PLCB4: variants seen among roughly 807,000 people sequenced by gnomAD.
PLCB4 encodes 1-phosphatidylinositol 4,5-bisphosphate phosphodiesterase beta-4.
In PLCB4, 77 loss-of-function variants were observed where a neutral mutation model predicts 178.8. The observed-to-expected ratio is 0.43, with a 90% CI of 0.36 to 0.52. The LOEUF is 0.52. Among genes scored for constraint, PLCB4 ranks in the 20% least tolerant of loss-of-function variants. The pLI, the probability that PLCB4 is intolerant of heterozygous loss-of-function variation, is 0.00. For synonymous variants in PLCB4, 496 were observed against 490.8 expected, an observed-to-expected ratio of 1.01 and a Z score of -0.14; for missense variants, 1,024 against 1,453.4, an observed-to-expected ratio of 0.70 and a Z score of 4.80.
At chr20:9,375,385 A>G (rs1299400024) in intron 12 of PLCB4, among the ~76,000 whole-genome samples, 2 of 152,176 alleles carry the variant, frequency 1.3e-5, no homozygotes, top group African/African-American at 4.8e-5. Flanking sequence ...AAACCTAAAC[A>G]TTTTCAAAAT....
rs1379458530 is a variant in PLCB4, at chr20:9,310,912, G to T, written c.84+3014G>T. ...CAGATTTTTACAAATGACCTAAGTG[G>T]TAGGCTGTGATTGTATTGCCATGAC... On this transcript the variant is annotated intron_variant, in intron 4 of 39. Coordinates refer to ENST00000378473, the MANE Select transcript of PLCB4 (RefSeq NM_001377142.1). Among the ~76,000 whole-genome samples, 4 of 152,136 alleles carry T rather than the reference G, an allele frequency of 2.6e-5. No homozygotes were observed. The East Asian group carries it at 7.7e-4, about 29-fold the overall frequency.
chr20:9,399,302 A>G (rs6133707), intron 19 of PLCB4, among the ~76,000 whole-genome samples: 42,553 of 152,126 alleles, frequency 0.28, 6,197 homozygotes, highest in East Asian at 0.4. Context: ...AGATGGCACA[A>G]GGCTCCTGTT....
At chr20:9,301,052 T>G (rs538000574) in intron 3 of PLCB4, among the ~76,000 whole-genome samples, 2 of 151,696 alleles carry the variant, frequency 1.3e-5, no homozygotes, top group African/African-American at 4.8e-5. Flanking sequence ...GCTACATCAC[T>G]CTAATCTCTG....
At chr20:9,357,714 A>G (rs753226628) in intron 7 of PLCB4, among the ~76,000 whole-genome samples, 4 of 152,156 alleles carry the variant, frequency 2.6e-5, no homozygotes, top group African/African-American at 4.8e-5. Context: ...AGAAGGCACT[A>G]CCTATGAACT....
intron 4 of PLCB4, among the ~76,000 whole-genome samples, chr20:9,334,401 T>C (rs1378727188): frequency 2.6e-5 from 4 of 152,144 alleles, no homozygotes; most frequent in Non-Finnish European, 2.9e-5. Flanking sequence ...AGATATTATG[T>C]CCTGAAGAGG....
chr20:9,085,559 C>A (rs1454252468), intron 1 of PLCB4, among the ~76,000 whole-genome samples: 4 of 152,086 alleles, frequency 2.6e-5, no homozygotes, highest in African/African-American at 9.7e-5. Context: ...AAATTAGTAT[C>A]TAAGCAATGC....
At chr20:9,393,188 G>T (rs1423495156) in intron 17 of PLCB4, among the ~76,000 whole-genome samples, 47 of 152,222 alleles carry the variant, frequency 3.1e-4, no homozygotes, top group Non-Finnish European at 4.4e-5. Flanking sequence ...CACTTGGGGG[G>T]ATCTGGGGGG....
chr20:9,176,808 T>C (rs2093162722), intron 2 of PLCB4, among the ~76,000 whole-genome samples: 1 of 152,186 alleles, frequency 6.6e-6, no homozygotes, highest in Non-Finnish European at 1.5e-5. Flanking sequence ...AGCAAACTTT[T>C]AAGAAAAATA....
Position 9,365,517 on chromosome 20 carries a change from A to G in PLCB4, c.503+3A>G, listed in dbSNP as rs1490893079. The G allele has an allele frequency of 6.3e-7, 1 of 1,586,742 alleles. No individual in the cohort carries two copies. Reference sequence around the variant, plus strand: ...AATGGTAAAATTCCAGTTAGGAGGTAAGTAATCATTCCTATCTGCTGTCCG... The same window carrying G: ...AATGGTAAAATTCCAGTTAGGAGGTGAGTAATCATTCCTATCTGCTGTCCG... On this transcript the variant is annotated splice_donor_region_variant and intron_variant, in intron 9 of 39. Coordinates refer to ENST00000378473, the MANE Select transcript of PLCB4 (RefSeq NM_001377142.1).
At chr20:9,182,281 GT>G (rs1448457060) in intron 2 of PLCB4, among the ~76,000 whole-genome samples, 5 of 152,236 alleles carry the variant, frequency 3.3e-5, no homozygotes, top group East Asian at 1.9e-4. Flanking sequence ...AGGGTTGAGG[GT>G]TTTTTCTTAT....
chr20:9,243,303 A>G (rs1229411423), intron 3 of PLCB4, among the ~76,000 whole-genome samples: 2 of 152,222 alleles, frequency 1.3e-5, no homozygotes, highest in Non-Finnish European at 2.9e-5. Flanking sequence ...GGAGGATTTT[A>G]TTTAAAGGGA....
chr20:9,098,739 A>ATGTGTG lies in PLCB4; in HGVS notation c.-79+2398_-79+2399insGTGTGT, dbSNP rs764119420. ...TACGTGTGTGTGTATATATATACAT[A>ATGTGTG]TATGTGTGTGTGTGTGTGTGTGTGT... On this transcript the variant is annotated intron_variant, in intron 2 of 39. Coordinates refer to ENST00000378473, the MANE Select transcript of PLCB4 (RefSeq NM_001377142.1). 2.9e-3 allele frequency among the ~76,000 whole-genome samples: 145 copies of ATGTGTG among 49,246 alleles called. 2 individuals carry two copies. The highest frequency in any genetic ancestry group is 0.01 in the South Asian group (7 of 674). 32.3% of individuals were successfully genotyped at this position (49,246 alleles called of 152,430 possible).
intron 3 of PLCB4, among the ~76,000 whole-genome samples, chr20:9,224,940 T>C (rs927436093): frequency 1.3e-5 from 2 of 152,230 alleles, no homozygotes; most frequent in African/African-American, 4.8e-5. Context: ...GAGCATTGAC[T>C]TGCTTTCTTT....
intron 2 of PLCB4, among the ~76,000 whole-genome samples, chr20:9,168,776 C>T (rs1012206796): frequency 6.6e-6 from 1 of 152,182 alleles, no homozygotes; most frequent in African/African-American, 2.4e-5. Flanking sequence ...GCTGGTGACA[C>T]TGGCCGCTTT....
intron 2 of PLCB4, among the ~76,000 whole-genome samples, chr20:9,177,299 G>A (rs1346894840): frequency 6.6e-6 from 1 of 152,092 alleles, no homozygotes; most frequent in Non-Finnish European, 1.5e-5. Context: ...CTGGAGTGTG[G>A]GAATAAACGA....
chr20:9,119,526 A>C (rs1445950785), intron 2 of PLCB4, among the ~76,000 whole-genome samples: 1 of 151,850 alleles, frequency 6.6e-6, no homozygotes, highest in Non-Finnish European at 1.5e-5. Flanking sequence ...GAGAAAAAAA[A>C]AAAAAACAAA....
intron 24 of PLCB4, 33 bp downstream of exon 24, chr20:9,409,214 A>C (rs2039680989): frequency 1.3e-6 from 2 of 1,556,652 alleles, no homozygotes; most frequent in Admixed American, 2.3e-5. Flanking sequence ...CCCAAATTCC[A>C]TGAGAACACT....
intron 3 of PLCB4, among the ~76,000 whole-genome samples, chr20:9,255,384 T>C (rs1000658835): frequency 1.3e-5 from 2 of 152,200 alleles, no homozygotes; most frequent in African/African-American, 4.8e-5. Context: ...TGCTGGGCTT[T>C]TAGACATTAA....
chr20:9,421,265 A>G (rs2040612459), intron 26 of PLCB4, 32 bp from the exon 27 acceptor site: 1 of 1,575,052 alleles, frequency 6.3e-7, no homozygotes, highest in Admixed American at 1.7e-5. Context: ...CACAGAGCTT[A>G]CTTCTCTTTG....
Sources: allele counts gnomAD v4.1 joint callset (sites outside exome capture counted in the v4.1 genomes callset), GRCh38; gene constraint gnomAD v4.1.1; transcripts MANE v1.5; gene names NCBI Gene and HGNC (gene_info 2026-07-23, HGNC 2026-07-21).